Variants in SOX5 observed in about 807,000 individuals in gnomAD.
SOX5 encodes the protein transcription factor SOX-5.
SOX5 carries 9 observed loss-of-function variants against 92.0 expected under a neutral mutation model. The ratio of observed to expected loss-of-function variants is 0.10; its 90% CI spans 0.06 to 0.17. The LOEUF (loss-of-function observed/expected upper bound fraction) is 0.17, where lower values mean the gene tolerates loss of function less well. SOX5 is among the 10% of genes least tolerant of loss of function. SOX5 has a pLI of 1.00. For synonymous variants in SOX5, 344 were observed against 336.3 expected, an observed-to-expected ratio of 1.02 and a Z score of -0.25; for missense variants, 642 against 944.5, an observed-to-expected ratio of 0.68 and a Z score of 4.20.
At position 24,212,818 on chromosome 12, in the gene SOX5, A is replaced by T. The variant is rs544384966; in HGVS notation, c.-2+525T>A. ...AATTAACTCTCATTTCATACATGGT[A>T]GTCAATATTCTCTGGTTACTATTAG... On this transcript the variant is annotated intron_variant, in intron 4 of 4. Transcript: ENST00000446891. Among the ~76,000 whole-genome samples the T allele has an allele frequency of 5.9e-5, 9 of 152,334 alleles. No homozygotes were observed. In the South Asian group the frequency reaches 1.9e-3, roughly 32 times the overall value.
rs144193004 is a variant in SOX5, at chr12:23,946,015, T to C, written c.38+3549A>G. Among the ~76,000 whole-genome samples the C allele has an allele frequency of 3.0e-3, 463 of 152,288 alleles. 3 individuals carry two copies. The highest frequency in any genetic ancestry group is 0.011 in the African/African-American group (449 of 41,578). On this transcript the variant is annotated intron_variant, in intron 1 of 14. Coordinates refer to ENST00000451604, the MANE Select transcript of SOX5 (RefSeq NM_006940.6). ...CGAATTAGTTTGTAACAGCACCTGATATATATTTCTTTCTTCAGAAAAACA... is the reference window on the plus strand; with the variant it reads ...CGAATTAGTTTGTAACAGCACCTGACATATATTTCTTTCTTCAGAAAAACA...
intron 4 of SOX5, among the ~76,000 whole-genome samples, chr12:24,087,486 T>C (rs908375255): frequency 2.0e-5 from 3 of 152,064 alleles, no homozygotes; most frequent in Admixed American, 6.6e-5. Flanking sequence ...CCTACAAGTG[T>C]CAGGCAGATT....
intron 1 of SOX5, among the ~76,000 whole-genome samples, chr12:24,413,699 T>C (rs1391257493): frequency 3.3e-5 from 5 of 152,118 alleles, no homozygotes; most frequent in African/African-American, 9.7e-5. Flanking sequence ...AAAGTAGCAA[T>C]AGATAACAAA....
chr12:24,010,111 A>T (rs1279264732), intron 4 of SOX5, among the ~76,000 whole-genome samples: 1 of 152,228 alleles, frequency 6.6e-6, no homozygotes, highest in African/African-American at 2.4e-5. Flanking sequence ...GCAATAAAAC[A>T]ATTTCTCAAA....
chr12:23,872,587 T>C (rs2096887065), intron 2 of SOX5, among the ~76,000 whole-genome samples: 1 of 147,534 alleles, frequency 6.8e-6, no homozygotes. Context: ...AAAAAACTAG[T>C]TAATTAATTC....
chr12:24,000,757 G>C (rs765218421), intron 4 of SOX5, among the ~76,000 whole-genome samples: 1 of 152,128 alleles, frequency 6.6e-6, no homozygotes, highest in Admixed American at 6.5e-5. Flanking sequence ...GGGAGAGACT[G>C]TAATGCAAGA....
intron 1 of SOX5, among the ~76,000 whole-genome samples, chr12:24,448,878 T>A (rs530470189): frequency 6.6e-6 from 1 of 152,180 alleles, no homozygotes; most frequent in Admixed American, 6.6e-5. Flanking sequence ...GGCATTTCCA[T>A]CTTAATGTGT....
chr12:23,793,447 A>G (rs1379111304), intron 3 of SOX5, among the ~76,000 whole-genome samples: 1 of 152,200 alleles, frequency 6.6e-6, no homozygotes, highest in African/African-American at 2.4e-5. Flanking sequence ...GTAGTACCCA[A>G]CCCTAAAGAG....
chr12:24,062,255 C>T (rs1939869844), intron 4 of SOX5, among the ~76,000 whole-genome samples: 2 of 152,216 alleles, frequency 1.3e-5, no homozygotes, highest in African/African-American at 4.8e-5. Context: ...TGCTCCATTG[C>T]AGAGCTAATA....
At chr12:23,716,574 C>G (rs1403583821) in intron 6 of SOX5, among the ~76,000 whole-genome samples, 1 of 152,060 alleles carries the variant, frequency 6.6e-6, no homozygotes, top group Non-Finnish European at 1.5e-5. Flanking sequence ...TTTAAAAAAG[C>G]CTTTCTGGGA....
chr12:23,903,383 G>A (rs528897567), intron 1 of SOX5, among the ~76,000 whole-genome samples: 3 of 152,044 alleles, frequency 2.0e-5, no homozygotes, highest in East Asian at 1.9e-4. Flanking sequence ...CCTGGAATTC[G>A]ACACCAGCCT....
rs1357235844 is a variant in SOX5 at position 23,577,098 on chromosome 12, G to C, written c.1165-1260C>G. 5.0e-5 allele frequency among the ~76,000 whole-genome samples: 7 copies of C among 139,808 alleles called. No homozygotes were observed. In the East Asian group the frequency reaches 1.5e-3, roughly 30 times the overall value. 91.7% of individuals were successfully genotyped at this position (139,808 alleles called of 152,430 possible). A position where few individuals can be genotyped will look rare whatever the true frequency, so the allele number is the denominator to read the frequency against. Reference sequence around the variant, plus strand: ...GAACCACTGAAATAAATCATTTTATGAAATGGTTAAATGGTAAAATATGAC... The same window carrying C: ...GAACCACTGAAATAAATCATTTTATCAAATGGTTAAATGGTAAAATATGAC... On this transcript the variant is annotated intron_variant, in intron 9 of 14. Coordinates refer to ENST00000451604, the MANE Select transcript of SOX5 (RefSeq NM_006940.6).
At chr12:23,770,619 T>C (rs566845319) in intron 3 of SOX5, among the ~76,000 whole-genome samples, 20 of 152,316 alleles carry the variant, frequency 1.3e-4, no homozygotes, top group African/African-American at 4.8e-4. Flanking sequence ...CTGAACGGTA[T>C]TCCTAGGCAT....
intron 10 of SOX5, among the ~76,000 whole-genome samples, chr12:23,574,112 T>A (rs541802304): frequency 1.3e-5 from 2 of 151,944 alleles, no homozygotes; most frequent in South Asian, 4.1e-4. Context: ...TAGTTATCTA[T>A]ATTATAGTAT....
At chr12:24,488,143 T>G (rs1369243552) in intron 1 of SOX5, among the ~76,000 whole-genome samples, 1 of 152,076 alleles carries the variant, frequency 6.6e-6, no homozygotes, top group Non-Finnish European at 1.5e-5. Context: ...TCATCATGGA[T>G]CTATTCAAGT....
intron 3 of SOX5, among the ~76,000 whole-genome samples, chr12:23,795,999 G>C (rs2095555380): frequency 6.6e-6 from 1 of 152,070 alleles, no homozygotes; most frequent in South Asian, 2.1e-4. Flanking sequence ...TCTGAAACCT[G>C]CCTGATGTGC....
chr12:24,303,595 C>T (rs1332745377), intron 2 of SOX5, among the ~76,000 whole-genome samples: 1 of 152,034 alleles, frequency 6.6e-6, no homozygotes. Context: ...ACAGGTATTC[C>T]AGATGTAATT....
chr12:24,386,486 T>C (rs1437699384), intron 1 of SOX5, among the ~76,000 whole-genome samples: 1 of 152,170 alleles, frequency 6.6e-6, no homozygotes, highest in Non-Finnish European at 1.5e-5. Flanking sequence ...GCCAGACGCT[T>C]CATGAAAACA....
chr12:24,165,804 G>A (rs1159041178), intron 4 of SOX5, among the ~76,000 whole-genome samples: 1 of 152,040 alleles, frequency 6.6e-6, no homozygotes, highest in Non-Finnish European at 1.5e-5. Flanking sequence ...AAGGGTAGTA[G>A]TTATTAGTTT....
Sources: gnomAD v4.1 joint callset for allele counts (sites outside exome capture counted in the v4.1 genomes callset) on GRCh38, gnomAD v4.1.1 for gene constraint, MANE v1.5 for transcripts, NCBI Gene and HGNC (gene_info 2026-07-23, HGNC 2026-07-21) for gene names.